The following ASTL variants were observed in gnomAD, a reference collection of about 807,000 sequenced individuals.
ASTL encodes astacin like metalloendopeptidase.
Under a neutral mutation model 36.7 loss-of-function variants are expected in ASTL, and 27 were observed. The observed-to-expected ratio is 0.73, with a 90% CI of 0.54 to 1.01. ASTL has a LOEUF of 1.01. Ranked by LOEUF, ASTL falls within the 50% of genes least tolerant of loss-of-function variation. The pLI, the probability that ASTL is intolerant of heterozygous loss-of-function variation, is 0.00. For synonymous variants in ASTL, 222 were observed against 228.1 expected (o/e 0.97, Z 0.24); for missense variants, 524 against 572.8 (o/e 0.91, Z 0.87).
intron 2 of ASTL, 40 bp from the exon 3 acceptor site, chr2:96,135,452 G>A: frequency 6.3e-7 from 1 of 1,593,538 alleles, no homozygotes; most frequent in Non-Finnish European, 8.6e-7. Flanking sequence ...ATGTCCCCCA[G>A]AACACTGACT....
At chr2:96,127,675 G>A (rs1469190148) in intron 8 of ASTL, among the ~76,000 whole-genome samples, 1 of 152,148 alleles carries the variant, frequency 6.6e-6, no homozygotes, top group African/African-American at 2.4e-5. Flanking sequence ...CCAGGTTCAA[G>A]TGATTCTCCT....
intron 6 of ASTL, among the ~76,000 whole-genome samples, chr2:96,130,416 C>T (rs1043366779): frequency 7.9e-5 from 12 of 152,206 alleles, no homozygotes; most frequent in African/African-American, 2.9e-4. Flanking sequence ...TTCCTCCTTG[C>T]ATATTCAGTC....
rs143968684 is a variant in ASTL, at chr2:96,124,215, G to T, written c.931C>A (p.Arg311=). 6.6e-7 allele frequency: 1 copy of T among 1,521,740 alleles called. No individual in the cohort carries two copies. The highest frequency in any genetic ancestry group is 8.8e-7 in the Non-Finnish European group (1 of 1,137,192). 94.3% of individuals were successfully genotyped at this position (1,521,740 alleles called of 1,614,324 possible). The change falls in exon 9 of 9, where the codon CGG becomes AGG. Residue 311 remains arginine, a synonymous_variant. Coordinates refer to ENST00000342380, the MANE Select transcript of ASTL (RefSeq NM_001002036.4). The surrounding 1 kb of genome is among the most constrained non-coding windows in gnomAD (Gnocchi z 4.1). ...SPAPASLSLQ[R]LLEALSAESR... ...TCCGCCGACAGTGCCTCCAAAAGCC[G>T]CTGCAGAGATAGGGAGGCCGGAGCG...
intron 8 of ASTL, among the ~76,000 whole-genome samples, chr2:96,128,226 G>A (rs2104766683): frequency 7.7e-6 from 1 of 130,076 alleles, no homozygotes; most frequent in South Asian, 2.3e-4. Flanking sequence ...GAGTGAAACT[G>A]TCTCAAAAAA....
Position 96,129,952 on chromosome 2 carries a change from G to C in ASTL, c.746C>G (p.Pro249Arg), listed in dbSNP as rs780058774. 1 of 1,604,638 alleles carries C rather than the reference G, an allele frequency of 6.2e-7. No homozygotes were observed. The highest frequency in any genetic ancestry group is 1.1e-5 in the South Asian group (1 of 90,708). Residue 249 changes from proline to arginine, a missense_variant, in exon 8 of 9, where the codon CCC (proline) becomes CGC (arginine). Physicochemically the swap from Pro to Arg is moderately radical, Grantham distance 103. Transcript: ENST00000342380. ...GRLAFSRRGLPTITPLWAPSV... is the reference protein window; with the variant it reads ...GRLAFSRRGLRTITPLWAPSV... ...GGGGGCCCAAAGTGGTGTGATGGTG[G>C]GCAGCCCACGCCGGCTGAAGGCGAG...
At chr2:96,125,761 G>C (rs747601551) in intron 8 of ASTL, among the ~76,000 whole-genome samples, 2 of 152,214 alleles carry the variant, frequency 1.3e-5, no homozygotes, top group Admixed American at 6.5e-5. Context: ...TGGCCAACAT[G>C]GTAAAACCCT....
chr2:96,137,616 G>A lies in ASTL; in HGVS notation c.140C>T (p.Thr47Ile). The change falls in exon 2 of 9, where the codon ACC becomes ATC. Residue 47 changes from threonine (T) to isoleucine (I), a missense_variant. Thr to Ile is a moderately conservative substitution (Grantham distance 89). Coordinates refer to ENST00000342380, the MANE Select transcript of ASTL (RefSeq NM_001002036.4). ...SFPDGLTPEG[T>I]QASGDKDIPA... ...AATGTCCTTGTCCCCGGAGGCCTGG[G>A]TTCCCTCAGGGGTGAGGCCATCTGG... is the stretch of plus-strand genomic sequence containing the variant. 2 of 1,613,976 alleles carry A rather than the reference G, an allele frequency of 1.2e-6. No individual in the cohort carries two copies. The highest frequency in any genetic ancestry group is 1.7e-6 in the Non-Finnish European group (2 of 1,179,892).
Position 96,138,461 on chromosome 2 carries a change from C to T in ASTL, c.-25G>A. ...TGGTAGAGCCCTGCTGCCCCTTCAG[C>T]AAACAAGACCAAGCCCCAGCAAGAC... On this transcript the variant is annotated 5_prime_UTR_variant, in exon 1 of 9. Coordinates refer to ENST00000342380, the MANE Select transcript of ASTL (RefSeq NM_001002036.4). The T allele has an allele frequency of 6.3e-7, 1 of 1,598,010 alleles. No individual in the cohort carries two copies. The highest frequency in any genetic ancestry group is 8.5e-7 in the Non-Finnish European group (1 of 1,170,214).
chr2:96,131,012 A>G (rs1682167232), intron 6 of ASTL, among the ~76,000 whole-genome samples: 1 of 152,140 alleles, frequency 6.6e-6, no homozygotes, highest in Non-Finnish European at 1.5e-5. Context: ...GTTTCTGTAC[A>G]TGTTAACCTA....
At chr2:96,130,551 G>A (rs949496258) in intron 6 of ASTL, among the ~76,000 whole-genome samples, 1 of 152,120 alleles carries the variant, frequency 6.6e-6, no homozygotes, top group Non-Finnish European at 1.5e-5. Flanking sequence ...AAGCTGCCAC[G>A]CTGTCATCTG....
chr2:96,137,235 G>C (rs1682320560), intron 2 of ASTL, among the ~76,000 whole-genome samples: 1 of 152,206 alleles, frequency 6.6e-6, no homozygotes, highest in South Asian at 2.1e-4. Flanking sequence ...TCCACGCCCA[G>C]GCCCTTTAAG....
intron 8 of ASTL, among the ~76,000 whole-genome samples, chr2:96,127,659 C>T (rs1222153661): frequency 6.6e-6 from 1 of 152,072 alleles, no homozygotes; most frequent in East Asian, 1.9e-4. Flanking sequence ...CTGCAACCTC[C>T]GCCTCCCAGG....
intron 4 of ASTL, 30 bp downstream of exon 4, chr2:96,133,935 G>A (rs1204130546): frequency 4.8e-6 from 7 of 1,466,296 alleles, no homozygotes; most frequent in Non-Finnish European, 6.7e-6. Flanking sequence ...AGGGGCTGAG[G>A]CAGGGAGGGA....
Position 96,124,276 on chromosome 2 carries a change from A to T in ASTL, c.875-5T>A. The T allele has an allele frequency of 6.7e-7, 1 of 1,503,756 alleles. No homozygotes were observed. Among genetic ancestry groups the T allele is most frequent in the Non-Finnish European group, 8.9e-7 (1 of 1,127,682 alleles). The allele number at this position is 1,503,756 out of a possible 1,614,324, so 93.2% of individuals were successfully genotyped here. A position where few individuals can be genotyped will look rare whatever the true frequency, so the allele number is the denominator to read the frequency against. ...CAGTGCTGTGGGCATGGGACCCTGC[A>T]ACAGAAAAGACAGGAGGTGGAACCT... On this transcript the variant is annotated splice_polypyrimidine_tract_variant and splice_region_variant and intron_variant, in intron 8 of 8. Transcript: ENST00000342380. The surrounding 1 kb of genome is among the most constrained non-coding windows in gnomAD (Gnocchi z 4.1).
At chr2:96,127,450 GT>G (rs1682086811) in intron 8 of ASTL, among the ~76,000 whole-genome samples, 1 of 152,198 alleles carries the variant, frequency 6.6e-6, no homozygotes, top group Non-Finnish European at 1.5e-5. Context: ...AAAGTGTCTA[GT>G]TTAGTGGCTA....
At position 96,131,593 on chromosome 2, in the gene ASTL, CA is replaced by C. The variant is rs1461609870; in HGVS notation, c.637+946del. On this transcript the variant is annotated intron_variant, in intron 6 of 8. Coordinates refer to ENST00000342380, the MANE Select transcript of ASTL (RefSeq NM_001002036.4). ...ACAACCTCCCCAGCCTGGTCTGATT[CA>C]ATATCCATCCCCTCCCCCTTTGTGA... Among the ~76,000 whole-genome samples the C allele has an allele frequency of 2.6e-5, 4 of 152,262 alleles. No individual in the cohort carries two copies. The East Asian group carries it at 7.7e-4, about 29-fold the overall frequency.
At position 96,135,429 on chromosome 2, in the gene ASTL, G is replaced by A. The variant is rs1459610787; in HGVS notation, c.182-17C>T. 6.2e-7 allele frequency: 1 copy of A among 1,613,548 alleles called. No individual in the cohort carries two copies. Among genetic ancestry groups the A allele is most frequent in the Non-Finnish European group, 8.5e-7 (1 of 1,179,658 alleles). On this transcript the variant is annotated splice_polypyrimidine_tract_variant and intron_variant, in intron 2 of 8. Transcript: ENST00000342380. ...GGATGAGCCCTGGGAAAGGAAGAAG[G>A]ACGTGTTGGCCCATGTCCCCCAGAA... is the stretch of plus-strand genomic sequence containing the variant.
chr2:96,132,061 G>C lies in ASTL; in HGVS notation c.637+479C>G, dbSNP rs917086235. 6.6e-6 allele frequency among the ~76,000 whole-genome samples: 1 copy of C among 152,182 alleles called. No individual in the cohort carries two copies. Among genetic ancestry groups the C allele is most frequent in the East Asian group, 1.9e-4 (1 of 5,190 alleles). On this transcript the variant is annotated intron_variant, in intron 6 of 8. Transcript: ENST00000342380. This position sits in a 1 kb window ranked among gnomAD's most constrained non-coding sequence, Gnocchi z 5.4. ...ACTGGCACCACTGGCACATGTCCCA[G>C]CCCCACAGTGCTGCCCTCAGCCCGT...
chr2:96,129,750 G>T, intron 8 of ASTL, 74 bp downstream of exon 8: 1 of 1,414,570 alleles, frequency 7.1e-7, no homozygotes, highest in Admixed American at 2.4e-5. Context: ...CTCCCTCCTT[G>T]TCACCCTCCC....
Sources: allele counts gnomAD v4.1 joint callset (sites outside exome capture counted in the v4.1 genomes callset), GRCh38; gene constraint gnomAD v4.1.1; non-coding constraint Gnocchi (gnomAD v3.1); transcripts MANE v1.5; gene names NCBI Gene and HGNC (gene_info 2026-07-23, HGNC 2026-07-21).